The following SP100 variants were observed in gnomAD, a reference collection of about 807,000 sequenced individuals.
SP100 encodes SP100 nuclear body protein.
A neutral mutation model predicts 130.0 loss-of-function variants in SP100; 84 were observed. That is an observed-to-expected ratio of 0.65 (90% confidence interval 0.54 to 0.77). SP100 has a LOEUF of 0.77. Among genes scored for constraint, SP100 ranks in the 30% least tolerant of loss-of-function variants. The pLI, the probability that SP100 is intolerant of heterozygous loss-of-function variation, is 0.00. For missense variants in SP100, 978 were observed against 1,052.2 expected (o/e 0.93, Z 0.97); for synonymous variants, 331 against 351.7 (o/e 0.94, Z 0.66).
At chr2:230,429,740 T>C (rs6436936) in intron 2 of SP100, among the ~76,000 whole-genome samples, 100,994 of 151,470 alleles carry the variant, frequency 0.67, 34,736 homozygotes, top group African/African-American at 0.74. Flanking sequence ...TTGAGTCATC[T>C]GTTAAAGCTC....
intron 24 of SP100, among the ~76,000 whole-genome samples, chr2:230,528,315 C>T (rs1168207562): frequency 1.3e-5 from 2 of 152,192 alleles, no homozygotes; most frequent in African/African-American, 4.8e-5. Context: ...GAACAACCTG[C>T]TCTTGAATGA....
intron 8 of SP100, among the ~76,000 whole-genome samples, chr2:230,454,223 AT>A (rs2064154075): frequency 6.6e-6 from 1 of 151,164 alleles, no homozygotes; most frequent in Non-Finnish European, 1.5e-5. Context: ...AATTTTGTTT[AT>A]TTTTTCAAAA....
At chr2:230,456,343 C>T (rs1003257046) in intron 8 of SP100, among the ~76,000 whole-genome samples, 1 of 152,164 alleles carries the variant, frequency 6.6e-6, no homozygotes, top group Admixed American at 6.5e-5. Flanking sequence ...AGGATTCTCT[C>T]TTTGTCCTTG....
At chr2:230,528,924 A>G (rs1411624317) in intron 24 of SP100, among the ~76,000 whole-genome samples, 1 of 152,236 alleles carries the variant, frequency 6.6e-6, no homozygotes. Flanking sequence ...TCTGAAATTG[A>G]GGCAATAATT....
Position 230,449,652 on chromosome 2 carries a change from T to C in SP100, c.678T>C (p.Asp226=), listed in dbSNP as rs375640433. 17 of 1,613,922 alleles carry C rather than the reference T, an allele frequency of 1.1e-5. No individual in the cohort carries two copies. Among genetic ancestry groups the C allele is most frequent in the Non-Finnish European group, 1.4e-5 (16 of 1,180,010 alleles). ...AKRKDTTSDK[D]DSLGSQQTNE... ...GAAAAGATACAACCAGTGACAAAGA[T>C]GATTCGCTAGGAAGCCAACAAACAA... The change falls in exon 7 of 29, where the codon GAT becomes GAC. Residue 226 remains aspartate (D), a synonymous_variant. Coordinates refer to ENST00000340126, the MANE Select transcript of SP100 (RefSeq NM_001080391.2).
intron 24 of SP100, among the ~76,000 whole-genome samples, chr2:230,531,030 A>G (rs1691674932): frequency 6.6e-6 from 1 of 152,218 alleles, no homozygotes; most frequent in Admixed American, 6.5e-5. Flanking sequence ...AAGGATCTAG[A>G]GCTAGAAATA....
chr2:230,436,056 A>T (rs1179963690), intron 2 of SP100, among the ~76,000 whole-genome samples: 1 of 151,982 alleles, frequency 6.6e-6, no homozygotes, highest in Non-Finnish European at 1.5e-5. Flanking sequence ...CTATACTTAC[A>T]TAATAATTTC....
At chr2:230,499,053 A>G (rs762443272) in intron 19 of SP100, among the ~76,000 whole-genome samples, 4 of 152,068 alleles carry the variant, frequency 2.6e-5, no homozygotes, top group Non-Finnish European at 1.5e-5. Flanking sequence ...CTCGGTAAAA[A>G]CTATGGACAG....
chr2:230,465,862 A>G (rs959581379), intron 11 of SP100, among the ~76,000 whole-genome samples: 2 of 152,122 alleles, frequency 1.3e-5, no homozygotes, highest in African/African-American at 4.8e-5. Flanking sequence ...TGGATTCACT[A>G]GAAGGAGAGA....
chr2:230,428,465 C>T lies in SP100; in HGVS notation c.107+10800C>T, dbSNP rs147736602. Among the ~76,000 whole-genome samples the T allele has an allele frequency of 7.9e-3, 1,167 of 146,996 alleles. 17 individuals carry two copies. The highest frequency in any genetic ancestry group is 0.027 in the African/African-American group (1,076 of 39,888). On this transcript the variant is annotated intron_variant, in intron 2 of 28. Coordinates refer to ENST00000340126, the MANE Select transcript of SP100 (RefSeq NM_001080391.2). ...TACACACTTTTTTTTTTTTTTGAGA[C>T]GGAGTCTCGCTCTGTCGCCCAGGCT...
rs761651124 is a variant in SP100 at position 230,473,405 on chromosome 2, C to T, written c.1511C>T (p.Ala504Val). The change falls in exon 16 of 29, where the codon GCA becomes GTA. Residue 504 changes from alanine to valine, a missense_variant. Transcript: ENST00000340126. The stretch of plus-strand genomic sequence containing the variant: ...AAAGGTGTGCCAAGAAGCCAAGAAG[C>T]AAGGACTGAAAGTAGTCAAGCATCT... Reference protein sequence around the residue: ...FPKGVPRSQEARTESSQASDM... With the variant: ...FPKGVPRSQEVRTESSQASDM... 4 of 1,613,488 alleles carry T rather than the reference C, an allele frequency of 2.5e-6. No homozygotes were observed. The highest frequency in any genetic ancestry group is 3.4e-6 in the Non-Finnish European group (4 of 1,179,512).
intron 21 of SP100, among the ~76,000 whole-genome samples, chr2:230,505,815 G>T (rs1156324771): frequency 6.6e-6 from 1 of 152,096 alleles, no homozygotes; most frequent in Non-Finnish European, 1.5e-5. Flanking sequence ...ATAATTGATT[G>T]TACCACATGT....
intron 3 of SP100, 35 bp downstream of exon 3, chr2:230,443,134 G>A (rs2063535313): frequency 1.2e-6 from 2 of 1,604,686 alleles, no homozygotes; most frequent in Non-Finnish European, 1.7e-6. Context: ...ATCTGGTAAA[G>A]CAGCCCCAAA....
intron 10 of SP100, among the ~76,000 whole-genome samples, chr2:230,462,888 T>C (rs958244960): frequency 6.6e-6 from 1 of 152,188 alleles, no homozygotes; most frequent in African/African-American, 2.4e-5. Flanking sequence ...GAAAACTAAA[T>C]ATTCCTTTAT....
At chr2:230,516,782 T>C (rs191956388) in intron 24 of SP100, among the ~76,000 whole-genome samples, 44 of 152,308 alleles carry the variant, frequency 2.9e-4, no homozygotes, top group African/African-American at 9.6e-4. Flanking sequence ...AGAATAGCCA[T>C]GGTTAAAATC....
rs1321543703 is a variant in SP100, at chr2:230,443,381, G to C, written c.270+282G>C. ...ACTGGAGAAACTGGAACGGAAACAG[G>C]TGTTCTCCATAAATGTACAATGTTT... On this transcript the variant is annotated intron_variant, in intron 3 of 28. Transcript: ENST00000340126. Among the ~76,000 whole-genome samples, 11 of 152,204 alleles carry C rather than the reference G, an allele frequency of 7.2e-5. 1 individual carries two copies. The South Asian group carries it at 1.4e-3, about 20-fold the overall frequency.
At chr2:230,444,093 T>G in intron 3 of SP100, 85 bp from the exon 4 acceptor site, 1 of 1,007,306 alleles carries the variant, frequency 9.9e-7, no homozygotes, top group Non-Finnish European at 1.5e-6. Flanking sequence ...GAAATTAGAA[T>G]ACAGTAACCA....
chr2:230,526,107 C>T (rs914516548), intron 24 of SP100, among the ~76,000 whole-genome samples: 26 of 152,176 alleles, frequency 1.7e-4, no homozygotes, highest in African/African-American at 4.6e-4. Flanking sequence ...CCTCCTCAAG[C>T]GGGTCCCTGA....
intron 17 of SP100, among the ~76,000 whole-genome samples, chr2:230,485,684 T>C (rs2066047104): frequency 6.6e-6 from 1 of 152,228 alleles, no homozygotes; most frequent in African/African-American, 2.4e-5. Flanking sequence ...TATATATTTA[T>C]TTTCAATGTT....
Sources: allele counts gnomAD v4.1 joint callset (sites outside exome capture counted in the v4.1 genomes callset), GRCh38; gene constraint gnomAD v4.1.1; transcripts MANE v1.5; gene names NCBI Gene and HGNC (gene_info 2026-07-23, HGNC 2026-07-21).